CD163L1: variants seen among roughly 807,000 people sequenced by gnomAD.
CD163L1 encodes CD163 molecule like 1, also known as scavenger receptor cysteine-rich type 1 protein M160.
CD163L1 carries 124 observed loss-of-function variants against 165.4 expected under a neutral mutation model. That is an observed-to-expected ratio of 0.75 (90% CI 0.65 to 0.87). The LOEUF is 0.87. Among genes scored for constraint, CD163L1 ranks in the 40% least tolerant of loss-of-function variants. CD163L1 has a pLI of 0.00. For synonymous variants in CD163L1, 585 were observed against 662.2 expected (o/e 0.88, Z 1.79); for missense variants, 1,525 against 1,799.9 (o/e 0.85, Z 2.76).
chr12:7,393,337 A>G (rs1947699758), intron 8 of CD163L1, among the ~76,000 whole-genome samples: 1 of 152,186 alleles, frequency 6.6e-6, no homozygotes, highest in South Asian at 2.1e-4. Flanking sequence ...GATTATCTCA[A>G]TAGATGCAGA....
intron 8 of CD163L1, among the ~76,000 whole-genome samples, chr12:7,389,960 T>TATATATATATATATATATA (rs1555197839): frequency 2.2e-5 from 3 of 135,938 alleles, no homozygotes; most frequent in South Asian, 2.3e-4. Flanking sequence ...ATATATATAT[T>TATATATATATATATATATA]TATATATATA....
chr12:7,352,868 GTATAT>G (rs1381032943), downstream of CD163L1, among the ~76,000 whole-genome samples: 3 of 151,960 alleles, frequency 2.0e-5, no homozygotes, highest in Non-Finnish European at 4.4e-5. Flanking sequence ...AATTACTGCA[GTATAT>G]TATCTAAAAT....
rs780795848 is a variant in CD163L1, at chr12:7,367,328, G to C, written c.4187C>G (p.Ser1396Ter). The C allele has an allele frequency of 5.0e-6, 8 of 1,606,446 alleles. No homozygotes were observed. The Admixed American group carries it at 1.2e-4, about 23-fold the overall frequency. ...QKQKHLPLRV[S>*]TRRRGSLEEN... ...CTCGAGAGAACCCCTCCTTCTGGTT[G>C]AAACTGAGAATGGATGCTTCATGGT... Residue 1396 changes from serine (S) to a stop codon, truncating the protein, a stop_gained, in exon 18 of 20, where the codon TCA becomes TGA. Coordinates refer to ENST00000313599, the MANE Select transcript of CD163L1 (RefSeq NM_174941.6). LOFTEE classifies it high-confidence loss of function.
At chr12:7,356,982 G>A (rs947366697) in intron 19 of CD163L1, among the ~76,000 whole-genome samples, 7 of 152,158 alleles carry the variant, frequency 4.6e-5, no homozygotes, top group Non-Finnish European at 7.4e-5. Context: ...GCAATAAGGA[G>A]TGATATTAAT....
rs1565810069 is a variant in CD163L1 at position 7,421,476 on chromosome 12, T to TATATACATATATACAC, written c.766+10939_766+10940insGTGTATATATGTATAT. ...ATGTACATATATACATATATATACA[T>TATATACATATATACAC]ATATGTACATATATACATATATGTA... On this transcript the variant is annotated intron_variant, in intron 4 of 19. Coordinates refer to ENST00000313599, the MANE Select transcript of CD163L1 (RefSeq NM_174941.6). Among the ~76,000 whole-genome samples the TATATACATATATACAC allele has an allele frequency of 1.9e-4, 19 of 97,526 alleles. 2 individuals are homozygous for TATATACATATATACAC. The highest frequency in any genetic ancestry group is 3.5e-4 in the South Asian group (1 of 2,828). 64.0% of individuals were successfully genotyped at this position (97,526 alleles called of 152,430 possible). A position where few individuals can be genotyped will look rare whatever the true frequency, so the allele number is the denominator to read the frequency against.
chr12:7,438,936 A>C (rs1340789488), intron 2 of CD163L1: 1 of 1,606,204 alleles, frequency 6.2e-7, no homozygotes, highest in African/African-American at 1.3e-5. Flanking sequence ...TTCTTCTCTA[A>C]GAATGCGTTC....
At chr12:7,431,427 C>A (rs1345009864) in intron 4 of CD163L1, among the ~76,000 whole-genome samples, 6 of 147,426 alleles carry the variant, frequency 4.1e-5, no homozygotes, top group African/African-American at 5.0e-5. Flanking sequence ...AGACTCCATC[C>A]AAAAAAAAAA....
rs767128621 is a variant in CD163L1, at chr12:7,374,481, C to T, written c.3370G>A (p.Asp1124Asn). The change falls in exon 13 of 20, where the codon GAC becomes AAC. Residue 1124 changes from aspartate to asparagine, a missense_variant. Physicochemically the swap from Asp to Asn is conservative, Grantham distance 23. Transcript: ENST00000313599. This position sits in a 1 kb window ranked among gnomAD's most constrained non-coding sequence, Gnocchi z 5.4. Reference protein sequence around the residue: ...QCPSRGWGQHDCRHKEDAGVI... With the variant: ...QCPSRGWGQHNCRHKEDAGVI... ...CCTGCGTCCTCCTTGTGCCTGCAGT[C>T]GTGCTGCCCCCAGCCGCGGGAAGGG... is the stretch of plus-strand genomic sequence containing the variant. 5.6e-6 allele frequency: 9 copies of T among 1,614,004 alleles called. No homozygotes were observed. Among genetic ancestry groups the T allele is most frequent in the East Asian group, 4.5e-5 (2 of 44,870 alleles).
chr12:7,320,884 G>T, the CD163L1 span: 1 of 1,235,782 alleles, frequency 8.1e-7, no homozygotes, highest in Non-Finnish European at 1.2e-6. Flanking sequence ...TTCAGCATAG[G>T]ATAGCTCAGG....
chr12:7,388,727 G>C (rs1347033316), intron 8 of CD163L1, among the ~76,000 whole-genome samples: 3 of 142,740 alleles, frequency 2.1e-5, no homozygotes, highest in Non-Finnish European at 3.0e-5. Flanking sequence ...CTGGACAACA[G>C]AGTGAGATCC....
intron 5 of CD163L1, among the ~76,000 whole-genome samples, chr12:7,405,746 C>G (rs1159646261): frequency 1.3e-5 from 2 of 152,114 alleles, no homozygotes; most frequent in Admixed American, 6.5e-5. Context: ...TAATAATTTA[C>G]GAAAGAAGCC....
chr12:7,375,191 T>A, intron 11 of CD163L1, 90 bp downstream of exon 11: 4 of 1,206,996 alleles, frequency 3.3e-6, no homozygotes, highest in Non-Finnish European at 4.6e-6. Flanking sequence ...TGCACCCCCA[T>A]TTTCTTACTC....
In CD163L1 at chr12:7,347,728, G is replaced by A. The variant is rs186401599; in HGVS notation, c.*25-581C>T. ...AGCTTGCAGTGAACCAAGTTCACGC[G>A]CCACTGCACTCCAGCCTGGGTGACA... On this transcript the variant is annotated intron_variant, in intron 4 of 4. Coordinates refer to the CD163L1 transcript ENST00000539726. The surrounding 1 kb of genome is among the most constrained non-coding windows in gnomAD (Gnocchi z 4.2). 1.6e-3 allele frequency among the ~76,000 whole-genome samples: 245 copies of A among 151,706 alleles called. 1 individual carries two copies. The highest frequency in any genetic ancestry group is 3.5e-3 in the African/African-American group (145 of 41,348).
intron 4 of CD163L1, among the ~76,000 whole-genome samples, chr12:7,424,252 A>G (rs945010503): frequency 2.0e-5 from 3 of 149,924 alleles, no homozygotes; most frequent in Non-Finnish European, 4.4e-5. Context: ...ATAGATGCAG[A>G]AAAGGTCTTC....
In CD163L1 at chr12:7,421,577, G is replaced by A. The variant is rs867527993; in HGVS notation, c.766+10839C>T. On this transcript the variant is annotated intron_variant, in intron 4 of 19. Transcript: ENST00000313599. ...TATACATATATGTACATATATACAT[G>A]TACATATATACATATACATATATGT... is the stretch of plus-strand genomic sequence containing the variant. Among the ~76,000 whole-genome samples the A allele has an allele frequency of 5.8e-3, 549 of 94,898 alleles. 3 individuals are homozygous for A. The highest frequency in any genetic ancestry group is 0.025 in the African/African-American group (508 of 20,282). 62.3% of individuals were successfully genotyped at this position (94,898 alleles called of 152,430 possible).
At chr12:7,386,410 T>C (rs941911782) in intron 8 of CD163L1, among the ~76,000 whole-genome samples, 1 of 151,982 alleles carries the variant, frequency 6.6e-6, no homozygotes, top group African/African-American at 2.4e-5. Flanking sequence ...CTAACATCAA[T>C]TCTTTTCAAA....
intron 7 of CD163L1, among the ~76,000 whole-genome samples, chr12:7,397,249 CCATTGCACTGGA>C: frequency 6.6e-6 from 1 of 152,276 alleles, no homozygotes; most frequent in East Asian, 1.9e-4. Context: ...TGGCTGCTCC[CCATTGCACTGGA>C]CAAAGTGGGA....
chr12:7,436,888 T>C (rs1026376871), intron 2 of CD163L1, among the ~76,000 whole-genome samples: 3 of 151,764 alleles, frequency 2.0e-5, no homozygotes, highest in Non-Finnish European at 4.4e-5. Context: ...CATAAGGTCT[T>C]ATTAAAATCT....
chr12:7,416,099 CTT>C (rs1340289138), intron 4 of CD163L1, among the ~76,000 whole-genome samples: 1 of 152,168 alleles, frequency 6.6e-6, no homozygotes, highest in Non-Finnish European at 1.5e-5. Context: ...TGTTTCCTGA[CTT>C]TTTAATGATC....
Sources: gnomAD v4.1 joint callset for allele counts (sites outside exome capture counted in the v4.1 genomes callset) on GRCh38, gnomAD v4.1.1 for gene constraint, Gnocchi (gnomAD v3.1) non-coding constraint, MANE v1.5 for transcripts, NCBI Gene and HGNC (gene_info 2026-07-23, HGNC 2026-07-21) for gene names.